Variants in DPAGT1 observed in about 807,000 individuals in gnomAD.
The protein encoded by DPAGT1 is UDP-N-acetylglucosamine--dolichyl-phosphate N-acetylglucosaminephosphotransferase.
In DPAGT1, 25 loss-of-function variants were observed where a neutral mutation model predicts 39.3. That is an observed-to-expected ratio of 0.64 (90% CI 0.46 to 0.89). The LOEUF (loss-of-function observed/expected upper bound fraction) is 0.89. Among genes scored for constraint, DPAGT1 ranks in the 40% least tolerant of loss-of-function variants. DPAGT1 has a pLI of 0.00. For missense variants in DPAGT1, 381 were observed against 500.6 expected (o/e 0.76, Z 2.28); for synonymous variants, 193 against 201.4 (o/e 0.96, Z 0.36).
rs1946399609 is a variant in DPAGT1, at chr11:119,096,616, G to A, written c.*382C>T. ...TACAATCAAATGACATGTCACCGTG[G>A]AGCCTGTGTTCCTAGCCCTGGCCCA... On this transcript the variant is annotated 3_prime_UTR_variant, in exon 9 of 9. Coordinates refer to ENST00000354202, the MANE Select transcript of DPAGT1 (RefSeq NM_001382.4). 5.8e-5 allele frequency: 21 copies of A among 364,472 alleles called. No homozygotes were observed. Among genetic ancestry groups the A allele is most frequent in the South Asian group, 5.5e-4 (19 of 34,758 alleles). 22.6% of individuals were successfully genotyped at this position (364,472 alleles called of 1,614,324 possible).
chr11:119,095,003 G>A, downstream of DPAGT1: 1 of 1,612,836 alleles, frequency 6.2e-7, no homozygotes, highest in South Asian at 1.1e-5. Context: ...CTTGCCGCCC[G>A]AGGGCGCCTT....
downstream of DPAGT1, among the ~76,000 whole-genome samples, chr11:119,095,637 T>C (rs1946380927): frequency 6.6e-6 from 1 of 152,176 alleles, no homozygotes; most frequent in Admixed American, 6.5e-5. Context: ...GAAAACCTTT[T>C]GCCCGGGGAG....
At position 119,097,350 on chromosome 11, in the gene DPAGT1, T is replaced by C; in HGVS notation, c.1006-53A>G. 3 of 1,613,672 alleles carry C rather than the reference T, an allele frequency of 1.9e-6. No homozygotes were observed. Among genetic ancestry groups the C allele is most frequent in the Non-Finnish European group, 2.5e-6 (3 of 1,179,592 alleles). Reference sequence around the variant, plus strand: ...TCAGCTAATACCTATGCTTTAGGAATGTGGATCTATTTAATGCTTTCAAGT... The same window carrying C: ...TCAGCTAATACCTATGCTTTAGGAACGTGGATCTATTTAATGCTTTCAAGT... On this transcript the variant is annotated intron_variant, in intron 7 of 8. Transcript: ENST00000354202. This position sits in a 1 kb window ranked among gnomAD's most constrained non-coding sequence, Gnocchi z 4.6.
rs1320649743 is a variant in DPAGT1 at position 119,097,878 on chromosome 11, G to C, written c.894C>G (p.Pro298=). The C allele has an allele frequency of 6.2e-7, 1 of 1,614,118 alleles. No homozygotes were observed. Among genetic ancestry groups the C allele is most frequent in the Admixed American group, 1.7e-5 (1 of 60,026 alleles). The change falls in exon 6 of 9, where the codon CCC becomes CCG. Residue 298 remains proline (P), a synonymous_variant. Transcript: ENST00000354202. This position sits in a 1 kb window ranked among gnomAD's most constrained non-coding sequence, Gnocchi z 4.6. ...YSLPQLLHII[P]CPRHRIPRLN... ...ACCTGGGTATGCGGTGGCGAGGGCA[G>C]GGGATGATATGCAGGAGCTGAGGCA...
downstream of DPAGT1, chr11:119,095,433 A>T (rs779864413): frequency 6.8e-6 from 10 of 1,461,212 alleles, no homozygotes; most frequent in Non-Finnish European, 9.0e-6. Flanking sequence ...CGGCTCAAAC[A>T]CTAGAACAGA....
chr11:119,098,111 C>A, intron 5 of DPAGT1, 68 bp from the exon 6 acceptor site: 1 of 1,598,110 alleles, frequency 6.3e-7, no homozygotes, highest in Non-Finnish European at 8.5e-7. Flanking sequence ...CACATCACAC[C>A]CTATGGGCAC....
chr11:119,097,291 C>G lies in DPAGT1; in HGVS notation c.1012G>C (p.Glu338Gln). Residue 338 changes from glutamate (E) to glutamine (Q), a missense_variant, in exon 8 of 9, where the codon GAG becomes CAG. Glu to Gln is a conservative substitution (Grantham distance 29, BLOSUM62 2). Transcript: ENST00000354202. The surrounding 1 kb of genome is among the most constrained non-coding windows in gnomAD (Gnocchi z 4.6). ...TGTACTGTCACCAGCTGGAGGCTCT[C>G]TGCCACCTGGAGGGACCAGAGGTGA... ...FLGTFILKVA[E>Q]SLQLVTVHQS... 6.2e-7 allele frequency: 1 copy of G among 1,614,200 alleles called. No individual in the cohort carries two copies. Among genetic ancestry groups the G allele is most frequent in the Non-Finnish European group, 8.5e-7 (1 of 1,180,038 alleles).
Position 119,097,520 on chromosome 11 carries a change from T to C in DPAGT1, c.949A>G (p.Ser317Gly). The part of the protein sequence containing the change: ...LNIKTGKLEM[S>G]YSKFKTKSLS... Reference sequence around the variant, plus strand: ...CTCTTGGTCTTGAACTTGGAATAGCTCATCTCCAGTTTGCCTGTCTTGATA... The same window carrying C: ...CTCTTGGTCTTGAACTTGGAATAGCCCATCTCCAGTTTGCCTGTCTTGATA... Residue 317 changes from serine (S) to glycine (G), a missense_variant, in exon 7 of 9, where the codon AGC becomes GGC. Physicochemically the swap from Ser to Gly is moderately conservative, Grantham distance 56. Transcript: ENST00000354202. The surrounding 1 kb of genome is among the most constrained non-coding windows in gnomAD (Gnocchi z 4.6). 1.2e-6 allele frequency: 2 copies of C among 1,614,186 alleles called. No homozygotes were observed. The highest frequency in any genetic ancestry group is 1.7e-6 in the Non-Finnish European group (2 of 1,180,018).
In DPAGT1 at chr11:119,101,232, C is replaced by T. The variant is rs1946499668; in HGVS notation, c.162-94G>A. Reference sequence around the variant, plus strand: ...TTACAGTAACCCAAAGTGGTCTTCTCATTCCCGGTTTTTTATTCTGGTAAG... The same window carrying T: ...TTACAGTAACCCAAAGTGGTCTTCTTATTCCCGGTTTTTTATTCTGGTAAG... On this transcript the variant is annotated intron_variant, in intron 1 of 8. Coordinates refer to ENST00000354202, the MANE Select transcript of DPAGT1 (RefSeq NM_001382.4). The T allele has an allele frequency of 8.9e-6, 14 of 1,579,178 alleles. No individual in the cohort carries two copies. In the East Asian group the frequency reaches 2.9e-4, roughly 33 times the overall value.
In DPAGT1 at chr11:119,097,881, G is replaced by A. The variant is rs1946425720; in HGVS notation, c.891C>T (p.Ile297=). Residue 297 remains isoleucine, a synonymous_variant, in exon 6 of 9, where the codon ATC becomes ATT. Transcript: ENST00000354202. This position sits in a 1 kb window ranked among gnomAD's most constrained non-coding sequence, Gnocchi z 4.6. The part of the protein sequence containing the change: ...LYSLPQLLHI[I]PCPRHRIPRL... ...TGGGTATGCGGTGGCGAGGGCAGGG[G>A]ATGATATGCAGGAGCTGAGGCAGTG... 6.2e-7 allele frequency: 1 copy of A among 1,614,176 alleles called. No homozygotes were observed. Among genetic ancestry groups the A allele is most frequent in the African/African-American group, 1.3e-5 (1 of 75,052 alleles).
In DPAGT1 at chr11:119,097,008, T is replaced by A. The variant is rs753954658; in HGVS notation, c.1217A>T (p.Tyr406Phe). 6.2e-7 allele frequency: 1 copy of A among 1,613,958 alleles called. No individual in the cohort carries two copies. Among genetic ancestry groups the A allele is most frequent in the South Asian group, 1.1e-5 (1 of 91,086 alleles). Residue 406 changes from tyrosine (Y) to phenylalanine (F), a missense_variant, in exon 9 of 9, where the codon TAT (tyrosine) becomes TTT (phenylalanine). Transcript: ENST00000354202. The surrounding 1 kb of genome is among the most constrained non-coding windows in gnomAD (Gnocchi z 4.6). ...SIRYQLVRLF[Y>F]DV is the part of the protein sequence containing the mutation. ...CAATGATCAAGGGACTCAGACATCA[T>A]AGAAGAGTCGAACGAGCTGATATCG...
chr11:119,098,291 A>T lies in DPAGT1; in HGVS notation c.728+112T>A. 4.7e-6 allele frequency: 6 copies of T among 1,284,210 alleles called. 1 individual carries two copies. Among genetic ancestry groups the T allele is most frequent in the Non-Finnish European group, 6.8e-6 (6 of 880,786 alleles). The allele number at this position is 1,284,210 out of a possible 1,614,324, so 79.6% of individuals were successfully genotyped here. A position where few individuals can be genotyped will look rare whatever the true frequency, so the allele number is the denominator to read the frequency against. On this transcript the variant is annotated intron_variant, in intron 5 of 8. Transcript: ENST00000354202. ...ATACGACCAACTGAAGACGCAGAAA[A>T]CTCCATAGAGGTATGCGCAGGTTTA... is the stretch of plus-strand genomic sequence containing the variant.
At chr11:119,099,092 AAAGTAGTTTTGC>A (rs1946448306) in intron 4 of DPAGT1, among the ~76,000 whole-genome samples, 4 of 152,182 alleles carry the variant, frequency 2.6e-5, no homozygotes, top group African/African-American at 9.7e-5. Context: ...AGGGTGAAAG[AAAGTAGTTTTGC>A]TCTGGACTGG....
Position 119,101,736 on chromosome 11 carries a change from T to C in DPAGT1, c.-81A>G. On this transcript the variant is annotated 5_prime_UTR_variant, in exon 1 of 9. Transcript: ENST00000354202. ...CAGCAGTCCTGAGGCCTCAGCAGTA[T>C]GGAGTGGCCGCTCCCCACAGGCAGG... 4 of 1,606,216 alleles carry C rather than the reference T, an allele frequency of 2.5e-6. No individual in the cohort carries two copies. The highest frequency in any genetic ancestry group is 3.4e-6 in the Non-Finnish European group (4 of 1,176,810).
chr11:119,101,291 G>A, intron 1 of DPAGT1, 153 bp from the exon 2 acceptor site: 3 of 1,358,140 alleles, frequency 2.2e-6, no homozygotes, highest in Non-Finnish European at 3.1e-6. Context: ...AAGCACCACT[G>A]CCAGAGTCCC....
rs549862935 is a variant in DPAGT1 at position 119,096,886 on chromosome 11, G to C, written c.*112C>G. ...AATGCTGAGAACAAAATCTGGAGGA[G>C]TATGAAGAGTGAGAGAGGCCTGGGC... On this transcript the variant is annotated 3_prime_UTR_variant, in exon 9 of 9. Transcript: ENST00000354202. 2.7e-4 allele frequency: 333 copies of C among 1,230,264 alleles called. 1 individual carries two copies. Among genetic ancestry groups the C allele is most frequent in the South Asian group, 1.0e-3 (80 of 78,276 alleles). 76.2% of individuals were successfully genotyped at this position (1,230,264 alleles called of 1,614,324 possible).
chr11:119,094,287 T>C (rs530049284), downstream of DPAGT1: 9 of 152,330 alleles, frequency 5.9e-5, no homozygotes, highest in African/African-American at 1.9e-4. Flanking sequence ...GAGGGAGAGC[T>C]GATGTGAAAG....
At chr11:119,100,609 A>G (rs1946483366) in intron 3 of DPAGT1, 21 bp downstream of exon 3, 1 of 1,613,624 alleles carries the variant, frequency 6.2e-7, no homozygotes, top group African/African-American at 1.3e-5. Flanking sequence ...CCATAGGGGC[A>G]GCAGTGGTAG....
chr11:119,100,682 G>A lies in DPAGT1; in HGVS notation c.444C>T (p.Thr148=). The A allele has an allele frequency of 6.2e-7, 1 of 1,614,196 alleles. No individual in the cohort carries two copies. Reference sequence around the variant, plus strand: ...GGCGGAAGGGCTTGGGCACCACAATGGTCGTGTTGCCAAAGTTGGTGAAAT... The same window carrying A: ...GGCGGAAGGGCTTGGGCACCACAATAGTCGTGTTGCCAAAGTTGGTGAAAT... The part of the protein sequence containing the change: ...MVYFTNFGNT[T]IVVPKPFRPI... Residue 148 remains threonine, a synonymous_variant, in exon 3 of 9, where the codon ACC becomes ACT. Coordinates refer to ENST00000354202, the MANE Select transcript of DPAGT1 (RefSeq NM_001382.4).
Sources: allele counts gnomAD v4.1 joint callset (sites outside exome capture counted in the v4.1 genomes callset), GRCh38; gene constraint gnomAD v4.1.1; non-coding constraint Gnocchi (gnomAD v3.1); transcripts MANE v1.5; gene names NCBI Gene and HGNC (gene_info 2026-07-23, HGNC 2026-07-21).